The following WRAP73 variants were observed in gnomAD, a reference collection of about 807,000 sequenced individuals.
WRAP73 encodes the protein WD repeat containing, antisense to TP73.
WRAP73 carries 55 observed loss-of-function variants against 59.6 expected under a neutral mutation model. The observed-to-expected ratio is 0.92, with a 90% CI of 0.74 to 1.15. The LOEUF is 1.15. WRAP73 is among the 50% of genes most tolerant of loss of function. The pLI is 0.00. For missense variants in WRAP73, 592 were observed against 608.1 expected, an observed-to-expected ratio of 0.97 and a Z score of 0.28; for synonymous variants, 265 against 258.2, an observed-to-expected ratio of 1.03 and a Z score of -0.25.
In WRAP73 at chr1:3,650,024, C is replaced by G. The variant is rs751714937; in HGVS notation, c.-25G>C. ...TGGCCGCCGCCTGCCGCGGGCGCCA[C>G]CCTGCGCCCGAAAACCCGCGGGACC... On this transcript the variant is annotated 5_prime_UTR_variant, in exon 1 of 12. Coordinates refer to ENST00000270708, the MANE Select transcript of WRAP73 (RefSeq NM_017818.4). 13 of 1,579,600 alleles carry G rather than the reference C, an allele frequency of 8.2e-6. No individual in the cohort carries two copies. In the South Asian group the frequency reaches 1.4e-4, roughly 17 times the overall value.
chr1:3,634,934 G>C, intron 8 of WRAP73, 63 bp downstream of exon 8: 1 of 1,563,300 alleles, frequency 6.4e-7, no homozygotes, highest in East Asian at 2.2e-5. Context: ...CAAAGTGAAG[G>C]AGCAGTTTCC....
rs1644532126 is a variant in WRAP73 at position 3,631,476 on chromosome 1, C to G, written c.1230G>C (p.Val410=). ...CGGGGATGTGCTTACCTTCCCCAGGCACCTGCACCGACATGCAGCCCGCTG... is the reference window on the plus strand; with the variant it reads ...CGGGGATGTGCTTACCTTCCCCAGGGACCTGCACCGACATGCAGCCCGCTG... ...WSPAGCMSVQ[V]PGEGDFAVLS... Residue 410 remains valine (V), a synonymous_variant, in exon 11 of 12, where the codon GTG becomes GTC. Transcript: ENST00000270708. 6.3e-7 allele frequency: 1 copy of G among 1,598,374 alleles called. No homozygotes were observed. The highest frequency in any genetic ancestry group is 2.3e-5 in the East Asian group (1 of 44,226).
intron 3 of WRAP73, among the ~76,000 whole-genome samples, chr1:3,645,918 C>T (rs1465129191): frequency 2.0e-5 from 3 of 152,128 alleles, no homozygotes; most frequent in Non-Finnish European, 4.4e-5. Context: ...AGGTGCGAGC[C>T]GGCTCATATC....
chr1:3,633,723 G>A (rs991833217), intron 8 of WRAP73: 20 of 522,150 alleles, frequency 3.8e-5, no homozygotes, highest in Middle Eastern at 5.0e-4. Flanking sequence ...CCCACCCTTT[G>A]AGACACAGGC....
intron 2 of WRAP73, 118 bp downstream of exon 2, chr1:3,647,290 A>G (rs1644700896): frequency 1.8e-6 from 2 of 1,113,422 alleles, no homozygotes; most frequent in African/African-American, 1.6e-5. Flanking sequence ...TTTCAAAAGA[A>G]AACTGGCTTT....
chr1:3,636,344 G>A (rs112961079), intron 5 of WRAP73: 15 of 353,970 alleles, frequency 4.2e-5, no homozygotes, highest in African/African-American at 1.0e-4. Context: ...GTCTCCCCGC[G>A]CCTGCACTCG....
At chr1:3,633,818 G>A (rs888805292) in intron 8 of WRAP73, 27 of 286,294 alleles carry the variant, frequency 9.4e-5, no homozygotes, top group South Asian at 3.3e-4. Flanking sequence ...CCTTCCCTCC[G>A]TGATAAGAGG....
At chr1:3,631,883 GT>G (rs757915238) in intron 10 of WRAP73, 2 of 1,269,918 alleles carry the variant, frequency 1.6e-6, no homozygotes, top group Non-Finnish European at 2.0e-6. Context: ...TCTTTCTTTG[GT>G]ATTTTTTTTT....
At chr1:3,636,136 A>G in intron 5 of WRAP73, 106 bp from the exon 6 acceptor site, 1 of 816,474 alleles carries the variant, frequency 1.2e-6, no homozygotes, top group South Asian at 1.6e-5. Flanking sequence ...CTTATATAGA[A>G]ATTGACAAAA....
chr1:3,647,115 G>A (rs1557465072), intron 2 of WRAP73: 1 of 449,386 alleles, frequency 2.2e-6, no homozygotes, highest in East Asian at 3.8e-5. Flanking sequence ...GTTAAGCTTT[G>A]GACACAGAAG....
intron 6 of WRAP73, 24 bp downstream of exon 6, chr1:3,635,920 C>G: frequency 6.2e-7 from 1 of 1,604,234 alleles, no homozygotes; most frequent in South Asian, 1.1e-5. Flanking sequence ...CGAAAGCAAA[C>G]ATGTCACCTG....
At chr1:3,641,263 G>A (rs1022158475) in intron 3 of WRAP73, among the ~76,000 whole-genome samples, 3 of 147,590 alleles carry the variant, frequency 2.0e-5, no homozygotes, top group African/African-American at 5.0e-5. Flanking sequence ...CGGAAGGAAC[G>A]GGCCACCGAT....
Position 3,646,647 on chromosome 1 carries a change from T to C in WRAP73, c.339+19A>G, listed in dbSNP as rs201368547. 1.3e-6 allele frequency: 2 copies of C among 1,583,224 alleles called. No individual in the cohort carries two copies. The highest frequency in any genetic ancestry group is 1.7e-6 in the Non-Finnish European group (2 of 1,158,446). On this transcript the variant is annotated intron_variant, in intron 3 of 11. Transcript: ENST00000270708. This position sits in a 1 kb window ranked among gnomAD's most constrained non-coding sequence, Gnocchi z 5.1. ...ACAGGATCACATGGCCAGTAAGGTG[T>C]CTTGGGGCTGACACTTACATGGAAT...
At position 3,637,049 on chromosome 1, in the gene WRAP73, G is replaced by A. The variant is rs753702177; in HGVS notation, c.462C>T (p.Arg154=). Residue 154 remains arginine, a synonymous_variant, in exon 5 of 12, where the codon CGC becomes CGT. Coordinates refer to ENST00000270708, the MANE Select transcript of WRAP73 (RefSeq NM_017818.4). Reference sequence around the variant, plus strand: ...AGATGCTCACGTAATCTTTGCAGTCGCGCCGTTCTGCCAGCGCCATGTAGC... The same window carrying A: ...AGATGCTCACGTAATCTTTGCAGTCACGCCGTTCTGCCAGCGCCATGTAGC... ...DGRYMALAER[R]DCKDYVSIFV... is the part of the protein sequence containing the mutation. The A allele has an allele frequency of 1.9e-5, 30 of 1,613,342 alleles. No individual in the cohort carries two copies. The Admixed American group carries it at 3.2e-4, about 17-fold the overall frequency.
chr1:3,631,119 TAGAG>T lies in WRAP73; in HGVS notation c.1241-6_1241-3del. The stretch of plus-strand genomic sequence containing the variant: ...ACAGAGAGAGCACTGCAAAGTCGCC[TAGAG>T]AGAGACAGGTGGCCAGAGGATTACA... On this transcript the variant is annotated splice_region_variant and splice_polypyrimidine_tract_variant and intron_variant, in intron 11 of 11. Transcript: ENST00000270708. 1.9e-6 allele frequency: 3 copies of T among 1,613,168 alleles called. No homozygotes were observed. The highest frequency in any genetic ancestry group is 2.5e-6 in the Non-Finnish European group (3 of 1,179,952).
intron 3 of WRAP73, among the ~76,000 whole-genome samples, chr1:3,643,459 C>T (rs77302873): frequency 0.017 from 2,613 of 152,348 alleles, 73 homozygotes; most frequent in African/African-American, 0.06. Flanking sequence ...GTCTAATGGG[C>T]GCAAGCTTGC....
intron 10 of WRAP73, chr1:3,632,000 G>A: frequency 4.9e-6 from 7 of 1,440,398 alleles, no homozygotes; most frequent in Non-Finnish European, 5.4e-6. Flanking sequence ...GCAGGGTGGA[G>A]GCCTCCTGAC....
At chr1:3,636,375 C>T in intron 5 of WRAP73, 1 of 327,598 alleles carries the variant, frequency 3.1e-6, no homozygotes, top group Non-Finnish European at 5.8e-6. Flanking sequence ...CTCCCCCTCA[C>T]CTTTCCTTGC....
At chr1:3,638,255 C>A (rs1265348937) in intron 4 of WRAP73, among the ~76,000 whole-genome samples, 1 of 152,260 alleles carries the variant, frequency 6.6e-6, no homozygotes, top group African/African-American at 2.4e-5. Context: ...GGCCCCCTTT[C>A]TTCCAGATGG....
Sources: allele counts gnomAD v4.1 joint callset (sites outside exome capture counted in the v4.1 genomes callset), GRCh38; gene constraint gnomAD v4.1.1; non-coding constraint Gnocchi (gnomAD v3.1); transcripts MANE v1.5; gene names NCBI Gene and HGNC (gene_info 2026-07-23, HGNC 2026-07-21).